PSMD7: variants seen among roughly 807,000 people sequenced by gnomAD.
The protein encoded by PSMD7 is 26S proteasome non-ATPase regulatory subunit 7.
Under a neutral mutation model 36.4 loss-of-function variants are expected in PSMD7, and 13 were observed. The observed-to-expected ratio is 0.36, with a 90% CI of 0.23 to 0.57. The LOEUF (loss-of-function observed/expected upper bound fraction) is 0.57. PSMD7 is among the 20% of genes least tolerant of loss of function. PSMD7 has a pLI of 0.83. For synonymous variants in PSMD7, 186 were observed against 151.0 expected (o/e 1.23, Z -1.70); for missense variants, 298 against 393.6 (o/e 0.76, Z 2.06).
At chr16:74,303,684 G>A (rs895179532) in intron 5 of PSMD7, among the ~76,000 whole-genome samples, 1 of 151,960 alleles carries the variant, frequency 6.6e-6, no homozygotes, top group Non-Finnish European at 1.5e-5. Context: ...ACTTGCTTCA[G>A]TACAGATATT....
Position 74,304,401 on chromosome 16 carries a change from C to A in PSMD7, c.530+7C>A. 1 of 1,608,650 alleles carries A rather than the reference C, an allele frequency of 6.2e-7. No individual in the cohort carries two copies. Among genetic ancestry groups the A allele is most frequent in the Non-Finnish European group, 8.5e-7 (1 of 1,175,188 alleles). ...GAGTTGAACACTTGTTACGGTGAGA[C>A]CCTAGTACAGCATCAAAATCATTCA... On this transcript the variant is annotated splice_region_variant and intron_variant, in intron 6 of 6. Coordinates refer to ENST00000219313, the MANE Select transcript of PSMD7 (RefSeq NM_002811.5).
At chr16:74,302,361 A>C in intron 5 of PSMD7, 69 bp downstream of exon 5, 3 of 1,250,824 alleles carry the variant, frequency 2.4e-6, no homozygotes, top group South Asian at 2.6e-5. Flanking sequence ...TTTTTTTTTC[A>C]ATTTTCAGGT....
At chr16:74,298,226 A>G (rs1346054424) in intron 1 of PSMD7, among the ~76,000 whole-genome samples, 1 of 151,982 alleles carries the variant, frequency 6.6e-6, no homozygotes, top group Non-Finnish European at 1.5e-5. Flanking sequence ...AAACATCTCA[A>G]AGGTCATCTA....
At position 74,305,774 on chromosome 16, in the gene PSMD7, CT is replaced by C; in HGVS notation, c.*43del. The C allele has an allele frequency of 7.1e-7, 1 of 1,409,292 alleles. No individual in the cohort carries two copies. Among genetic ancestry groups the C allele is most frequent in the Non-Finnish European group, 9.2e-7 (1 of 1,083,078 alleles). 87.3% of individuals were successfully genotyped at this position (1,409,292 alleles called of 1,614,324 possible). ...GCTTTTTTAATTTGTAAATTAAAATCTTACAAACTAAATCAGTGTGCTGCTA... is the reference window on the plus strand; with the variant it reads ...GCTTTTTTAATTTGTAAATTAAAATCTACAAACTAAATCAGTGTGCTGCTA... On this transcript the variant is annotated 3_prime_UTR_variant, in exon 7 of 7. Coordinates refer to ENST00000219313, the MANE Select transcript of PSMD7 (RefSeq NM_002811.5).
chr16:74,298,072 C>G (rs2034127379), intron 1 of PSMD7, among the ~76,000 whole-genome samples: 1 of 149,532 alleles, frequency 6.7e-6, no homozygotes, highest in Admixed American at 6.7e-5. Context: ...ACGGGAGGAT[C>G]GCTTGAGCCC....
intron 1 of PSMD7, among the ~76,000 whole-genome samples, chr16:74,298,156 C>CAA (rs75614540): frequency 0.018 from 1,286 of 72,522 alleles, 19 homozygotes; most frequent in South Asian, 0.029. Flanking sequence ...ACCCTGTCTC[C>CAA]AAAAAAAAAA....
chr16:74,304,638 A>G (rs573282577), intron 6 of PSMD7: 56 of 380,404 alleles, frequency 1.5e-4, no homozygotes, highest in Non-Finnish European at 2.2e-4. Context: ...TGTGGATAGC[A>G]TACCTTGTCT....
chr16:74,303,791 G>A (rs945581158), intron 5 of PSMD7, among the ~76,000 whole-genome samples: 45 of 151,072 alleles, frequency 3.0e-4, no homozygotes, highest in African/African-American at 9.8e-5. Context: ...GCGTGATCTC[G>A]ACTCACTGCA....
At chr16:74,301,797 G>A in intron 4 of PSMD7, 145 bp downstream of exon 4, 2 of 650,794 alleles carry the variant, frequency 3.1e-6, no homozygotes, top group Non-Finnish European at 5.3e-6. Context: ...GCTCTGTGAA[G>A]TATACTGTGA....
In PSMD7 at chr16:74,304,250, A is replaced by G. The variant is rs2034178548; in HGVS notation, c.439-53A>G. On this transcript the variant is annotated intron_variant, in intron 5 of 6. Coordinates refer to ENST00000219313, the MANE Select transcript of PSMD7 (RefSeq NM_002811.5). Reference sequence around the variant, plus strand: ...AGACTCAGGGTGCGAAAAGGAACACATGTCAGTTCGTTTGTGGAAAATAAA... The same window carrying G: ...AGACTCAGGGTGCGAAAAGGAACACGTGTCAGTTCGTTTGTGGAAAATAAA... 9 of 1,521,938 alleles carry G rather than the reference A, an allele frequency of 5.9e-6. No individual in the cohort carries two copies. The South Asian group carries it at 9.0e-5, about 15-fold the overall frequency. The allele number at this position is 1,521,938 out of a possible 1,614,324, so 94.3% of individuals were successfully genotyped here.
chr16:74,305,833 A>C lies in PSMD7; in HGVS notation c.*100A>C. 1 of 1,317,590 alleles carries C rather than the reference A, an allele frequency of 7.6e-7. No homozygotes were observed. The allele number at this position is 1,317,590 out of a possible 1,614,324, so 81.6% of individuals were successfully genotyped here. A position where few individuals can be genotyped will look rare whatever the true frequency, so the allele number is the denominator to read the frequency against. On this transcript the variant is annotated 3_prime_UTR_variant, in exon 7 of 7. Coordinates refer to ENST00000219313, the MANE Select transcript of PSMD7 (RefSeq NM_002811.5). ...CTTTTTCACTTGACATGCTTATTAGAAAGCTGACCCAACAAGAGCTCTCTG... is the reference window on the plus strand; with the variant it reads ...CTTTTTCACTTGACATGCTTATTAGCAAGCTGACCCAACAAGAGCTCTCTG...
chr16:74,299,973 C>G (rs1423756551), intron 1 of PSMD7, 142 bp from the exon 2 acceptor site: 1 of 731,070 alleles, frequency 1.4e-6, no homozygotes, highest in African/African-American at 1.8e-5. Flanking sequence ...CAACCTAACC[C>G]TATTACATTG....
At position 74,299,701 on chromosome 16, in the gene PSMD7, T is replaced by C. The variant is rs1597118060; in HGVS notation, c.75-414T>C. 1.5e-5 allele frequency: 5 copies of C among 335,586 alleles called. No individual in the cohort carries two copies. The East Asian group carries it at 4.1e-4, about 28-fold the overall frequency. The allele number at this position is 335,586 out of a possible 1,614,324, so 20.8% of individuals were successfully genotyped here. A position where few individuals can be genotyped will look rare whatever the true frequency, so the allele number is the denominator to read the frequency against. On this transcript the variant is annotated intron_variant, in intron 1 of 6. Coordinates refer to ENST00000219313, the MANE Select transcript of PSMD7 (RefSeq NM_002811.5). The stretch of plus-strand genomic sequence containing the variant: ...GAGCCACTGCATCCGGCCTACTCCA[T>C]CATCTTTATTCCAAAAAAGATTTCA...
At position 74,305,514 on chromosome 16, in the gene PSMD7, G is replaced by C. The variant is rs531553607; in HGVS notation, c.756G>C (p.Lys252Asn). The C allele has an allele frequency of 6.2e-7, 1 of 1,614,146 alleles. No individual in the cohort carries two copies. The highest frequency in any genetic ancestry group is 8.5e-7 in the Non-Finnish European group (1 of 1,180,038). The change falls in exon 7 of 7, where the codon AAG (lysine) becomes AAC (asparagine). Residue 252 changes from lysine (K) to asparagine (N), a missense_variant. Physicochemically the swap from Lys to Asn is moderately conservative, Grantham distance 94. Coordinates refer to ENST00000219313, the MANE Select transcript of PSMD7 (RefSeq NM_002811.5). ...AGTTCGTCAAGGCCTTTTACCTGAA[G>C]ACCAATGACCAGATGGTGGTAGTGT... is the stretch of plus-strand genomic sequence containing the variant. ...LQEFVKAFYLKTNDQMVVVYL... is the reference protein window; with the variant it reads ...LQEFVKAFYLNTNDQMVVVYL...
intron 6 of PSMD7, 43 bp from the exon 7 acceptor site, chr16:74,305,246 C>T: frequency 6.4e-7 from 1 of 1,558,182 alleles, no homozygotes; most frequent in African/African-American, 1.4e-5. Flanking sequence ...AACATGGTAC[C>T]CTGATGCCTT....
chr16:74,301,188 G>T, intron 3 of PSMD7, 44 bp downstream of exon 3: 1 of 1,327,812 alleles, frequency 7.5e-7, no homozygotes, highest in Non-Finnish European at 1.1e-6. Flanking sequence ...GAATTGAACT[G>T]TGTGTATGGG....
chr16:74,299,505 A>G, intron 1 of PSMD7: 1 of 449,274 alleles, frequency 2.2e-6, no homozygotes, highest in South Asian at 1.6e-5. Context: ...TCAGTCCCCC[A>G]GCCCCAAGTA....
At chr16:74,301,483 C>G in intron 3 of PSMD7, 72 bp from the exon 4 acceptor site, 4 of 1,153,682 alleles carry the variant, frequency 3.5e-6, no homozygotes, top group Middle Eastern at 2.2e-4. Context: ...TACTGATGTT[C>G]TTATCCTTTT....
chr16:74,298,379 G>C (rs559012657), intron 1 of PSMD7, among the ~76,000 whole-genome samples: 1 of 152,188 alleles, frequency 6.6e-6, no homozygotes. Context: ...CAGAGCATCT[G>C]CTATAAAGCC....
Sources: allele counts gnomAD v4.1 joint callset (sites outside exome capture counted in the v4.1 genomes callset), GRCh38; gene constraint gnomAD v4.1.1; transcripts MANE v1.5; gene names NCBI Gene and HGNC (gene_info 2026-07-23, HGNC 2026-07-21).